Variants in GRID2 observed in about 807,000 individuals in gnomAD.
The protein encoded by GRID2 is glutamate receptor ionotropic, delta-2.
Under a neutral mutation model 114.8 loss-of-function variants are expected in GRID2, and 33 were observed. The observed-to-expected ratio is 0.29, with a 90% CI of 0.22 to 0.38. The LOEUF is 0.38. GRID2 is among the 10% of genes least tolerant of loss of function. The pLI, the probability that GRID2 is intolerant of heterozygous loss-of-function variation, is 1.00. For missense variants in GRID2, 1,184 were observed against 1,257.7 expected (o/e 0.94, Z 0.89); for synonymous variants, 505 against 449.9 (o/e 1.12, Z -1.55).
chr4:92,420,236 A>T (rs1376312884), intron 1 of GRID2, among the ~76,000 whole-genome samples: 1 of 152,150 alleles, frequency 6.6e-6, no homozygotes, highest in Admixed American at 6.6e-5. Flanking sequence ...ATATAAACTT[A>T]ATTGGATTGA....
At chr4:93,015,371 T>C (rs963882932) in intron 2 of GRID2, among the ~76,000 whole-genome samples, 5 of 152,192 alleles carry the variant, frequency 3.3e-5, no homozygotes, top group African/African-American at 4.8e-5. Flanking sequence ...GCACAGATGC[T>C]GGAGCCACAT....
intron 2 of GRID2, among the ~76,000 whole-genome samples, chr4:92,874,273 A>G (rs1745477757): frequency 6.6e-6 from 1 of 152,202 alleles, no homozygotes; most frequent in Admixed American, 6.5e-5. Context: ...GCGTCTTCCA[A>G]TTAGTAGCCT....
intron 8 of GRID2, among the ~76,000 whole-genome samples, chr4:93,239,072 G>A (rs989271049): frequency 4.0e-5 from 6 of 149,114 alleles, no homozygotes; most frequent in African/African-American, 9.8e-5. Flanking sequence ...AAATACAAAC[G>A]CCCTTATATA....
intron 13 of GRID2, among the ~76,000 whole-genome samples, chr4:93,556,020 A>G (rs1734284220): frequency 1.3e-5 from 2 of 152,170 alleles, no homozygotes; most frequent in Admixed American, 1.3e-4. Context: ...GAAGGGCCTG[A>G]CTGTTAGAAG....
intron 8 of GRID2, among the ~76,000 whole-genome samples, chr4:93,323,918 A>T (rs1251987881): frequency 6.6e-6 from 1 of 152,200 alleles, no homozygotes; most frequent in African/African-American, 2.4e-5. Context: ...ACTTTGCTGA[A>T]GTTGCTTATC....
Position 92,444,856 on chromosome 4 carries a change from C to T in GRID2, c.88+140112C>T, listed in dbSNP as rs543069804. The stretch of plus-strand genomic sequence containing the variant: ...GAGGATTGATACATTTTTGGTATCA[C>T]TTTTGGTATTTAAACAAATAGGTAA... On this transcript the variant is annotated intron_variant, in intron 1 of 15. Coordinates refer to ENST00000282020, the MANE Select transcript of GRID2 (RefSeq NM_001510.4). Among the ~76,000 whole-genome samples, 9 of 152,180 alleles carry T rather than the reference C, an allele frequency of 5.9e-5. No homozygotes were observed. The East Asian group carries it at 1.7e-3, about 29-fold the overall frequency.
At chr4:92,692,329 CA>C (rs1734218774) in intron 2 of GRID2, among the ~76,000 whole-genome samples, 1 of 151,998 alleles carries the variant, frequency 6.6e-6, no homozygotes, top group African/African-American at 2.4e-5. Flanking sequence ...ACTTTGTTAT[CA>C]AAAAATTAGG....
chr4:92,901,353 G>T (rs965995213), intron 2 of GRID2, among the ~76,000 whole-genome samples: 13 of 152,004 alleles, frequency 8.6e-5, no homozygotes, highest in African/African-American at 2.9e-4. Context: ...TCATATGCTT[G>T]TTGTTGCACT....
chr4:92,318,507 C>CTT (rs34235006), intron 1 of GRID2, among the ~76,000 whole-genome samples: 1,442 of 64,442 alleles, frequency 0.022, 17 homozygotes, highest in African/African-American at 0.026. Flanking sequence ...TATGCCAGGA[C>CTT]TTTTTTTTTT....
At chr4:92,777,594 T>C (rs1738871126) in intron 2 of GRID2, among the ~76,000 whole-genome samples, 1 of 152,100 alleles carries the variant, frequency 6.6e-6, no homozygotes, top group African/African-American at 2.4e-5. Flanking sequence ...TTTGAAGTGC[T>C]AACCTCAACG....
At chr4:93,477,509 T>G (rs1725432665) in intron 11 of GRID2, among the ~76,000 whole-genome samples, 1 of 152,160 alleles carries the variant, frequency 6.6e-6, no homozygotes, top group Non-Finnish European at 1.5e-5. Flanking sequence ...ACATTCAATT[T>G]CAGATATTTA....
At chr4:92,646,612 G>A (rs1324470440) in intron 2 of GRID2, among the ~76,000 whole-genome samples, 1 of 152,336 alleles carries the variant, frequency 6.6e-6, no homozygotes, top group Non-Finnish European at 1.5e-5. Context: ...TGTCTATGAT[G>A]ACTGCTGGGG....
chr4:92,333,454 T>C (rs1416603240), intron 1 of GRID2, among the ~76,000 whole-genome samples: 1 of 152,186 alleles, frequency 6.6e-6, no homozygotes, highest in African/African-American at 2.4e-5. Context: ...TCTCCCATTA[T>C]GTTGAATAGC....
At chr4:93,041,389 C>G (rs922191622) in intron 2 of GRID2, among the ~76,000 whole-genome samples, 1 of 152,058 alleles carries the variant, frequency 6.6e-6, no homozygotes, top group African/African-American at 2.4e-5. Context: ...TGGCATATTC[C>G]TTCTTTAAAC....
At position 93,439,850 on chromosome 4, in the gene GRID2, C is replaced by T. The variant is rs550470482; in HGVS notation, c.1546-15812C>T. On this transcript the variant is annotated intron_variant, in intron 10 of 15. Coordinates refer to ENST00000282020, the MANE Select transcript of GRID2 (RefSeq NM_001510.4). Reference sequence around the variant, plus strand: ...CATGCCAGGGGCAGTTGGGAAGGATCAGGCATTCTTCCCATAAAGTCGAGC... The same window carrying T: ...CATGCCAGGGGCAGTTGGGAAGGATTAGGCATTCTTCCCATAAAGTCGAGC... Among the ~76,000 whole-genome samples the T allele has an allele frequency of 2.0e-5, 3 of 152,152 alleles. No homozygotes were observed. In the East Asian group the frequency reaches 5.8e-4, roughly 30 times the overall value.
chr4:93,366,379 C>G (rs186430125), intron 8 of GRID2, among the ~76,000 whole-genome samples: 4 of 152,158 alleles, frequency 2.6e-5, no homozygotes, highest in Admixed American at 6.5e-5. Context: ...GAGATAGACT[C>G]CAGTCTCCTA....
intron 1 of GRID2, among the ~76,000 whole-genome samples, chr4:92,577,302 C>A (rs1234233477): frequency 6.6e-6 from 1 of 151,990 alleles, no homozygotes. Context: ...ATGTCAGGGA[C>A]CTGTCACTGG....
intron 2 of GRID2, among the ~76,000 whole-genome samples, chr4:92,662,098 G>A (rs1178154752): frequency 2.0e-5 from 3 of 150,920 alleles, no homozygotes; most frequent in Non-Finnish European, 4.5e-5. Context: ...GAAGCCCTAA[G>A]CCCTTCTCAT....
At chr4:93,415,033 T>C (rs1327341659) in intron 9 of GRID2, among the ~76,000 whole-genome samples, 1 of 152,116 alleles carries the variant, frequency 6.6e-6, no homozygotes, top group East Asian at 1.9e-4. Context: ...GATAATGTCA[T>C]ATCATAAGTT....
Sources: gnomAD v4.1 joint callset for allele counts (sites outside exome capture counted in the v4.1 genomes callset) on GRCh38, gnomAD v4.1.1 for gene constraint, MANE v1.5 for transcripts, NCBI Gene and HGNC (gene_info 2026-07-23, HGNC 2026-07-21) for gene names.